DIAPH2: variants seen among roughly 807,000 people sequenced by gnomAD.
The protein encoded by DIAPH2 is diaphanous related formin 2.
A neutral mutation model predicts 92.7 loss-of-function variants in DIAPH2; 35 were observed. The observed-to-expected ratio is 0.38, with a 90% CI of 0.29 to 0.50. The LOEUF (loss-of-function observed/expected upper bound fraction) is 0.50. Ranked by LOEUF, DIAPH2 falls within the 20% of genes least tolerant of loss-of-function variation. The pLI is 0.94. For synonymous variants in DIAPH2, 301 were observed against 280.4 expected, an observed-to-expected ratio of 1.07 and a Z score of -0.73; for missense variants, 701 against 819.5, an observed-to-expected ratio of 0.86 and a Z score of 1.77.
chrX:96,834,397 C>T (rs1454318111), intron 4 of DIAPH2, among the ~76,000 whole-genome samples: 1 of 111,673 alleles, frequency 9.0e-6, no homozygotes, highest in Non-Finnish European at 1.9e-5. Context: ...AGGTAGCATT[C>T]CTGCCAAACA....
chrX:97,224,199 TAACTATTATC>T (rs1241823069), intron 22 of DIAPH2, among the ~76,000 whole-genome samples: 1 of 112,214 alleles, frequency 8.9e-6, no homozygotes, highest in Non-Finnish European at 1.9e-5. Flanking sequence ...GGTCTTTCTT[TAACTATTATC>T]AGGTCACTTA....
intron 26 of DIAPH2, among the ~76,000 whole-genome samples, chrX:97,507,932 TC>T (rs1160549661): frequency 2.7e-5 from 3 of 111,134 alleles, no homozygotes; most frequent in Non-Finnish European, 3.8e-5. Context: ...AGAGTTGGAT[TC>T]GTAGAGCCAG....
At chrX:97,029,873 G>A (rs1288596401) in intron 17 of DIAPH2, among the ~76,000 whole-genome samples, 1 of 111,391 alleles carries the variant, frequency 9.0e-6, no homozygotes, top group Admixed American at 9.5e-5. Context: ...ATTGGCAGGT[G>A]TGTGTCCTCT....
chrX:97,391,103 G>T (rs189685515), intron 25 of DIAPH2, among the ~76,000 whole-genome samples: 90 of 111,338 alleles, frequency 8.1e-4, no homozygotes, highest in African/African-American at 2.9e-3. Context: ...TCCTTCCATT[G>T]CAAGTGTGTA....
chrX:97,105,568 C>A (rs2066934504), intron 20 of DIAPH2, among the ~76,000 whole-genome samples: 1 of 111,547 alleles, frequency 9.0e-6, no homozygotes, highest in Admixed American at 9.5e-5. Context: ...CAGTTAGAAC[C>A]CTCAGCAGGA....
intron 26 of DIAPH2, among the ~76,000 whole-genome samples, chrX:97,582,869 G>T (rs1168718001): frequency 1.8e-5 from 2 of 111,108 alleles, no homozygotes; most frequent in Non-Finnish European, 3.8e-5. Context: ...GGCTTTGCTC[G>T]TTTCTTTTTA....
At chrX:96,994,880 A>T (rs367611) in intron 17 of DIAPH2, among the ~76,000 whole-genome samples, 1 of 109,871 alleles carries the variant, frequency 9.1e-6, no homozygotes, top group African/African-American at 3.3e-5. Context: ...TTGGTCTCTC[A>T]GTTGACACGT....
intron 4 of DIAPH2, among the ~76,000 whole-genome samples, chrX:96,822,667 A>G (rs6620177): frequency 0.1 from 11,395 of 111,515 alleles, 541 homozygotes; most frequent in East Asian, 0.32. Flanking sequence ...AATATAGGTA[A>G]TATTTACTTG....
chrX:97,386,407 C>T (rs1013457484), intron 25 of DIAPH2, among the ~76,000 whole-genome samples: 4 of 111,799 alleles, frequency 3.6e-5, no homozygotes, highest in Non-Finnish European at 7.5e-5. Context: ...TGGTGGCTCA[C>T]GCCTGTAATC....
chrX:96,960,206 T>C (rs978952183), intron 16 of DIAPH2, among the ~76,000 whole-genome samples: 1 of 111,604 alleles, frequency 9.0e-6, no homozygotes, highest in African/African-American at 3.2e-5. Context: ...AGTTGTATGG[T>C]CGTTTTAACA....
At chrX:97,360,506 C>T (rs2069314788) in intron 24 of DIAPH2, among the ~76,000 whole-genome samples, 1 of 109,854 alleles carries the variant, frequency 9.1e-6, no homozygotes, top group African/African-American at 3.3e-5. Context: ...CGCCTATAAT[C>T]CCAGCTACTT....
chrX:97,038,486 G>C (rs751244331), intron 17 of DIAPH2, among the ~76,000 whole-genome samples: 6 of 108,251 alleles, frequency 5.5e-5, no homozygotes, highest in African/African-American at 2.0e-4. Context: ...CAGTGTAAAA[G>C]TATTCCCTTT....
intron 26 of DIAPH2, among the ~76,000 whole-genome samples, chrX:97,547,206 A>G (rs777993428): frequency 8.1e-4 from 90 of 110,480 alleles, no homozygotes; most frequent in African/African-American, 2.9e-3. Flanking sequence ...TGCTTCCCCC[A>G]CTCTTGCTAG....
chrX:97,306,460 A>G (rs1235062403), intron 23 of DIAPH2, among the ~76,000 whole-genome samples: 1 of 111,120 alleles, frequency 9.0e-6, no homozygotes. Flanking sequence ...TTTCATACAG[A>G]CCTATCATTA....
intron 18 of DIAPH2, among the ~76,000 whole-genome samples, chrX:97,074,339 A>T (rs2066690414): frequency 9.0e-6 from 1 of 111,353 alleles, no homozygotes. Context: ...CCGGGAGGCA[A>T]AGTTTGCAGT....
At chrX:97,531,632 A>C (rs2071060892) in intron 26 of DIAPH2, among the ~76,000 whole-genome samples, 1 of 111,906 alleles carries the variant, frequency 8.9e-6, no homozygotes, top group Non-Finnish European at 1.9e-5. Context: ...GTATGTAACA[A>C]CTCAGTGTTT....
At chrX:97,511,909 G>A (rs1419714493) in intron 26 of DIAPH2, among the ~76,000 whole-genome samples, 44 of 112,491 alleles carry the variant, frequency 3.9e-4, no homozygotes, top group African/African-American at 1.4e-3. Context: ...GATTCGGTTT[G>A]CCAGTATTTT....
At chrX:97,115,189 C>G (rs1351168885) in intron 21 of DIAPH2, among the ~76,000 whole-genome samples, 1 of 111,807 alleles carries the variant, frequency 8.9e-6, no homozygotes, top group Non-Finnish European at 1.9e-5. Context: ...TTAACATTTG[C>G]TGATTACATT....
intron 26 of DIAPH2, chrX:97,469,904 C>A: frequency 1.2e-6 from 1 of 868,742 alleles, no homozygotes; most frequent in African/African-American, 2.0e-5. Flanking sequence ...GCTATATGCC[C>A]CTTAATACCG....
Sources: allele counts gnomAD v4.1 joint callset (sites outside exome capture counted in the v4.1 genomes callset), GRCh38; gene constraint gnomAD v4.1.1; transcripts MANE v1.5; gene names NCBI Gene and HGNC (gene_info 2026-07-23, HGNC 2026-07-21).